PIWIL1: variants seen among roughly 807,000 people sequenced by gnomAD.
PIWIL1 encodes piwi-like protein 1.
PIWIL1 carries 73 observed loss-of-function variants against 114.4 expected under a neutral mutation model. That is an observed-to-expected ratio of 0.64 (90% confidence interval 0.53 to 0.78). PIWIL1 has a LOEUF of 0.78. Among genes scored for constraint, PIWIL1 ranks in the 30% least tolerant of loss-of-function variants. The pLI is 0.00. For missense variants in PIWIL1, 723 were observed against 1,063.1 expected (o/e 0.68, Z 4.45); for synonymous variants, 375 against 369.0 (o/e 1.02, Z -0.19).
the PIWIL1 span, chr12:130,399,703 C>T: frequency 4.3e-6 from 7 of 1,614,128 alleles, no homozygotes; most frequent in Non-Finnish European, 5.9e-6. Context: ...AGCGCATTGG[C>T]GTATCTTGAG....
At chr12:130,342,359 C>T (rs1390084457) in intron 1 of PIWIL1, 7 of 537,726 alleles carry the variant, frequency 1.3e-5, no homozygotes, top group Admixed American at 3.2e-5. Context: ...AGGTTTTCCC[C>T]TTTGGCCCTA....
intron 18 of PIWIL1, among the ~76,000 whole-genome samples, chr12:130,365,339 C>T (rs1203351430): frequency 1.3e-5 from 2 of 152,160 alleles, no homozygotes; most frequent in Non-Finnish European, 2.9e-5. Context: ...GAACAGTTAA[C>T]TGAGGCATTG....
the PIWIL1 span, chr12:130,414,092 T>C: frequency 2.5e-6 from 4 of 1,611,532 alleles, no homozygotes; most frequent in South Asian, 1.1e-5. Flanking sequence ...CCTCAGGGGC[T>C]GATGAAGCCG....
intron 18 of PIWIL1, among the ~76,000 whole-genome samples, chr12:130,366,189 A>T (rs542656757): frequency 6.6e-6 from 1 of 152,300 alleles, no homozygotes; most frequent in East Asian, 1.9e-4. Context: ...AGTGCTTACT[A>T]CCTGGCAGTG....
the PIWIL1 span, among the ~76,000 whole-genome samples, chr12:130,394,183 G>T: frequency 7.9e-5 from 12 of 152,118 alleles, no homozygotes; most frequent in Non-Finnish European, 1.8e-4. Flanking sequence ...TTTGACACTT[G>T]ATTCATCCTC....
At chr12:130,406,173 TAATAA>T in the PIWIL1 span, 1 of 1,526,404 alleles carries the variant, frequency 6.6e-7, no homozygotes, top group Non-Finnish European at 9.1e-7. Flanking sequence ...AAAACTTACA[TAATAA>T]AATCCATCTT....
chr12:130,347,417 T>C (rs144034143), intron 6 of PIWIL1, among the ~76,000 whole-genome samples: 5 of 152,316 alleles, frequency 3.3e-5, no homozygotes, highest in African/African-American at 7.2e-5. Context: ...ACAGGAGATA[T>C]ACTGCATGCT....
At chr12:130,394,664 ATT>A in the PIWIL1 span, among the ~76,000 whole-genome samples, 114,990 of 147,540 alleles carry the variant, frequency 0.78, 45,101 homozygotes, top group Non-Finnish European at 0.83. Context: ...GGATTTTTGC[ATT>A]TTTTTTTTTT....
chr12:130,356,883 A>G (rs1229877011), intron 12 of PIWIL1, 35 bp from the exon 13 acceptor site: 2 of 1,488,232 alleles, frequency 1.3e-6, no homozygotes, highest in Non-Finnish European at 1.8e-6. Flanking sequence ...GAGAACTTAC[A>G]ATGGAATTTA....
chr12:130,340,646 T>TGGGGGGGGGGGGGGGGGGGGG (rs143005039), intron 1 of PIWIL1, among the ~76,000 whole-genome samples: 2 of 72,800 alleles, frequency 2.7e-5, no homozygotes, highest in African/African-American at 1.2e-4. Context: ...GGAGGGGGGG[T>TGGGGGGGGGGGGGGGGGGGGG]GGGGGGAGGG....
Position 130,339,714 on chromosome 12 carries a change from A to C in PIWIL1, c.-13+1568A>C, listed in dbSNP as rs375656351. 2.0e-5 allele frequency: 3 copies of C among 152,200 alleles called. No individual in the cohort carries two copies. In the South Asian group the frequency reaches 6.2e-4, roughly 31 times the overall value. The allele number at this position is 152,200 out of a possible 1,614,324, so 9.4% of individuals were successfully genotyped here. A position where few individuals can be genotyped will look rare whatever the true frequency, so the allele number is the denominator to read the frequency against. ...TGAGCCCCCCAGGTATTTAGTGACC[A>C]GCACAGCGCGCCGCCGTGGGTTTCA... On this transcript the variant is annotated intron_variant, in intron 1 of 20. Transcript: ENST00000245255.
chr12:130,388,445 C>G, the PIWIL1 span, among the ~76,000 whole-genome samples: 4 of 152,280 alleles, frequency 2.6e-5, no homozygotes, highest in Non-Finnish European at 4.4e-5. Flanking sequence ...AGGACACTTT[C>G]CTTTATGATT....
the PIWIL1 span, among the ~76,000 whole-genome samples, chr12:130,381,725 A>C: frequency 1.8e-4 from 28 of 152,310 alleles, no homozygotes; most frequent in South Asian, 3.3e-3. Flanking sequence ...TTTTGTAAGA[A>C]ACTGCCTGTC....
At chr12:130,408,246 C>T in the PIWIL1 span, among the ~76,000 whole-genome samples, 89 of 152,290 alleles carry the variant, frequency 5.8e-4, no homozygotes, top group African/African-American at 2.0e-3. Context: ...TTTAAAAGTG[C>T]CTGTTTGTGT....
chr12:130,410,188 G>A, the PIWIL1 span, among the ~76,000 whole-genome samples: 15 of 152,268 alleles, frequency 9.9e-5, no homozygotes, highest in Non-Finnish European at 1.8e-4. Flanking sequence ...TATCGTCTTT[G>A]GCGAAAGGTC....
the PIWIL1 span, chr12:130,422,524 T>C: frequency 6.2e-7 from 1 of 1,612,540 alleles, no homozygotes. The surrounding 1 kb of genome is among the most constrained non-coding windows in gnomAD (Gnocchi z 5.2). Flanking sequence ...CCGGCCCATG[T>C]GATCCACCCG....
the PIWIL1 span, among the ~76,000 whole-genome samples, chr12:130,391,135 T>G: frequency 6.6e-6 from 1 of 152,208 alleles, no homozygotes; most frequent in Non-Finnish European, 1.5e-5. Context: ...ACTAAGTTCC[T>G]CAGGAGTTGC....
intron 1 of PIWIL1, chr12:130,342,221 G>A (rs2072940884): frequency 6.9e-6 from 2 of 287,922 alleles, no homozygotes; most frequent in Non-Finnish European, 1.3e-5. Context: ...TTAAGTGTGT[G>A]TACATGTGTA....
At chr12:130,400,578 T>C in the PIWIL1 span, among the ~76,000 whole-genome samples, 1 of 152,190 alleles carries the variant, frequency 6.6e-6, no homozygotes, top group Non-Finnish European at 1.5e-5. Flanking sequence ...CAAAATTGGC[T>C]GGCTCTGGGC....
Sources: gnomAD v4.1 joint callset for allele counts (sites outside exome capture counted in the v4.1 genomes callset) on GRCh38, gnomAD v4.1.1 for gene constraint, Gnocchi (gnomAD v3.1) non-coding constraint, MANE v1.5 for transcripts, NCBI Gene and HGNC (gene_info 2026-07-23, HGNC 2026-07-21) for gene names.